Variants in ANO3 observed in about 807,000 individuals in gnomAD.
ANO3 encodes the protein anoctamin-3.
Under a neutral mutation model 144.8 loss-of-function variants are expected in ANO3, and 99 were observed. That is an observed-to-expected ratio of 0.68 (90% CI 0.58 to 0.81). ANO3 has a LOEUF of 0.81. Among genes scored for constraint, ANO3 ranks in the 30% least tolerant of loss-of-function variants. ANO3 has a pLI of 0.00. For synonymous variants in ANO3, 414 were observed against 392.6 expected (o/e 1.05, Z -0.64); for missense variants, 905 against 1,202.2 (o/e 0.75, Z 3.66).
chr11:26,498,300 A>G (rs1861047378), intron 4 of ANO3, among the ~76,000 whole-genome samples: 1 of 151,876 alleles, frequency 6.6e-6, no homozygotes, highest in Non-Finnish European at 1.5e-5. Flanking sequence ...TAGGGTGTAT[A>G]CCATTTTATG....
intron 1 of ANO3, among the ~76,000 whole-genome samples, chr11:26,201,710 G>T (rs1021142132): frequency 9.2e-5 from 14 of 151,496 alleles, no homozygotes; most frequent in Admixed American, 3.3e-4. Flanking sequence ...CATGATAGTG[G>T]AGTAGTAATA....
intron 13 of ANO3, among the ~76,000 whole-genome samples, chr11:26,557,317 C>T (rs1208112864): frequency 2.0e-5 from 3 of 151,616 alleles, no homozygotes; most frequent in Admixed American, 6.6e-5. Flanking sequence ...AAAAATTAGC[C>T]GGGCGTGGTG....
intron 17 of ANO3, among the ~76,000 whole-genome samples, chr11:26,609,942 G>A (rs1852046625): frequency 6.6e-6 from 1 of 152,062 alleles, no homozygotes; most frequent in South Asian, 2.1e-4. Context: ...ACGGAGTTTC[G>A]CTCTTGTTGC....
At chr11:26,400,011 A>C (rs1157327557) in intron 1 of ANO3, among the ~76,000 whole-genome samples, 3 of 152,084 alleles carry the variant, frequency 2.0e-5, no homozygotes, top group African/African-American at 7.2e-5. Flanking sequence ...TGCTAACCAC[A>C]TGTAGATGAA....
At chr11:26,209,182 T>G (rs1009519574) in intron 1 of ANO3, among the ~76,000 whole-genome samples, 1 of 152,110 alleles carries the variant, frequency 6.6e-6, no homozygotes, top group Non-Finnish European at 1.5e-5. Flanking sequence ...TGCATAATAT[T>G]CCTCTCCCTG....
chr11:26,396,436 A>T (rs1359303659), intron 1 of ANO3, among the ~76,000 whole-genome samples: 4 of 152,206 alleles, frequency 2.6e-5, no homozygotes, highest in Non-Finnish European at 2.9e-5. Flanking sequence ...CAGCAGTCCC[A>T]TTACTGGGTA....
intron 1 of ANO3, among the ~76,000 whole-genome samples, chr11:26,356,804 GTGGCTGCCTGTATTT>G (rs946762883): frequency 2.6e-4 from 39 of 152,102 alleles, no homozygotes; most frequent in African/African-American, 8.7e-4. Flanking sequence ...TCAACTTCTA[GTGGCTGCCTGTATTT>G]TTAACTTGTG....
In ANO3 at chr11:26,513,458, G is replaced by A. The variant is rs79857943; in HGVS notation, c.592-3369G>A. Reference sequence around the variant, plus strand: ...GGGATCAGAATCTGGCTATCTGTACGGTAAAGTAAAACAAATCGGGAACAA... The same window carrying A: ...GGGATCAGAATCTGGCTATCTGTACAGTAAAGTAAAACAAATCGGGAACAA... On this transcript the variant is annotated intron_variant, in intron 5 of 26. Transcript: ENST00000256737. Among the ~76,000 whole-genome samples the A allele has an allele frequency of 7.2e-5, 11 of 152,184 alleles. No homozygotes were observed. The East Asian group carries it at 1.9e-3, about 27-fold the overall frequency.
chr11:26,653,989 G>A (rs1185500731), intron 24 of ANO3, among the ~76,000 whole-genome samples: 1 of 152,034 alleles, frequency 6.6e-6, no homozygotes, highest in Non-Finnish European at 1.5e-5. Context: ...TGTATTTGTG[G>A]ATCAGTTTTT....
At chr11:26,517,095 T>C (rs1861892886) in intron 6 of ANO3, among the ~76,000 whole-genome samples, 168 bp downstream of exon 6, 3 of 151,952 alleles carry the variant, frequency 2.0e-5, no homozygotes, top group African/African-American at 7.2e-5. Context: ...GTTTGCCTAA[T>C]TTGGTAAACT....
chr11:26,278,990 C>T (rs1014235424), intron 1 of ANO3, among the ~76,000 whole-genome samples: 6 of 151,992 alleles, frequency 3.9e-5, no homozygotes, highest in African/African-American at 1.4e-4. Context: ...TACAGATCAC[C>T]CTACATAGCC....
chr11:26,538,432 C>T (rs1485562542), intron 10 of ANO3, among the ~76,000 whole-genome samples: 1 of 152,076 alleles, frequency 6.6e-6, no homozygotes, highest in Non-Finnish European at 1.5e-5. Context: ...ATGTATTTTC[C>T]CGTTATTCTG....
At chr11:26,252,036 G>A (rs1852939292) in intron 1 of ANO3, among the ~76,000 whole-genome samples, 1 of 152,086 alleles carries the variant, frequency 6.6e-6, no homozygotes, top group Non-Finnish European at 1.5e-5. Flanking sequence ...TTTTTCTAGA[G>A]AAAAGCATGT....
At chr11:26,387,260 C>T (rs1407676541) in intron 1 of ANO3, among the ~76,000 whole-genome samples, 1 of 151,534 alleles carries the variant, frequency 6.6e-6, no homozygotes, top group Non-Finnish European at 1.5e-5. Flanking sequence ...ACATGAGCCA[C>T]CACCCACGGC....
At chr11:26,255,425 G>A (rs1853033848) in intron 1 of ANO3, among the ~76,000 whole-genome samples, 1 of 152,156 alleles carries the variant, frequency 6.6e-6, no homozygotes, top group Non-Finnish European at 1.5e-5. Context: ...TACACACTGT[G>A]TATGGAACAT....
In ANO3 at chr11:26,611,910, A is replaced by G. The variant is rs146626957; in HGVS notation, c.1836+12196A>G. ...TGACTTAAAGTCTATTTCATCTCAT[A>G]TAAGTATGGCTATTCCTGCTCACTT... is the stretch of plus-strand genomic sequence containing the variant. On this transcript the variant is annotated intron_variant, in intron 17 of 26. Coordinates refer to ENST00000256737, the MANE Select transcript of ANO3 (RefSeq NM_031418.4). Among the ~76,000 whole-genome samples the G allele has an allele frequency of 8.0e-3, 1,218 of 152,056 alleles. 10 individuals are homozygous for G. The highest frequency in any genetic ancestry group is 0.013 in the Non-Finnish European group (867 of 67,940).
At chr11:26,309,773 T>C (rs1048368516) in intron 1 of ANO3, 7 of 902,708 alleles carry the variant, frequency 7.8e-6, no homozygotes, top group Admixed American at 6.3e-5. Flanking sequence ...TTCTTCAATA[T>C]AATGTGGTAG....
At chr11:26,656,583 A>T in intron 26 of ANO3, 102 bp downstream of exon 26, 1 of 759,138 alleles carries the variant, frequency 1.3e-6, no homozygotes, top group Non-Finnish European at 2.3e-6. Flanking sequence ...CCATAAAAAC[A>T]CTTAAGTAGG....
At chr11:26,422,199 G>A (rs1282784081) in intron 1 of ANO3, among the ~76,000 whole-genome samples, 1 of 151,952 alleles carries the variant, frequency 6.6e-6, no homozygotes, top group Non-Finnish European at 1.5e-5. Context: ...TTTACTAAGA[G>A]GGGACATCTT....
Sources: allele counts gnomAD v4.1 joint callset (sites outside exome capture counted in the v4.1 genomes callset), GRCh38; gene constraint gnomAD v4.1.1; transcripts MANE v1.5; gene names NCBI Gene and HGNC (gene_info 2026-07-23, HGNC 2026-07-21).